The following DLG2 variants were observed in gnomAD, a reference collection of about 807,000 sequenced individuals.
The protein encoded by DLG2 is discs large MAGUK scaffold protein 2.
A neutral mutation model predicts 132.5 loss-of-function variants in DLG2; 45 were observed. The observed-to-expected ratio is 0.34, with a 90% CI of 0.27 to 0.44. The LOEUF is 0.44. Ranked by LOEUF, DLG2 falls within the 20% of genes least tolerant of loss-of-function variation. The probability of loss-of-function intolerance (pLI) is 1.00; values close to 1 mark genes in which losing one functional copy is unlikely to be tolerated. For synonymous variants in DLG2, 424 were observed against 419.6 expected (o/e 1.01, Z -0.13); for missense variants, 1,045 against 1,196.9 (o/e 0.87, Z 1.87).
intron 17 of DLG2, among the ~76,000 whole-genome samples, chr11:83,824,357 T>C (rs868768606): frequency 2.0e-5 from 3 of 152,126 alleles, no homozygotes; most frequent in African/African-American, 7.2e-5. Flanking sequence ...TATTTATTTG[T>C]CTGTCTCCCT....
intron 18 of DLG2, among the ~76,000 whole-genome samples, chr11:83,713,450 G>C (rs1178885426): frequency 1.3e-5 from 2 of 152,156 alleles, no homozygotes; most frequent in Non-Finnish European, 2.9e-5. Flanking sequence ...TTTTTCAGGA[G>C]AAGCCTAAAG....
intron 3 of DLG2, among the ~76,000 whole-genome samples, chr11:85,559,855 G>GATAA (rs2077141641): frequency 1.3e-5 from 2 of 150,964 alleles, no homozygotes; most frequent in East Asian, 3.9e-4. Flanking sequence ...TAGATAGATA[G>GATAA]ATAGAGATAA....
At chr11:84,415,500 T>C (rs1245390473) in intron 7 of DLG2, among the ~76,000 whole-genome samples, 1 of 152,192 alleles carries the variant, frequency 6.6e-6, no homozygotes, top group Admixed American at 6.5e-5. Context: ...CAGTAAAGCA[T>C]TTTTCTGAAG....
At chr11:85,157,102 T>C (rs2077642473) in intron 4 of DLG2, among the ~76,000 whole-genome samples, 1 of 152,174 alleles carries the variant, frequency 6.6e-6, no homozygotes, top group Admixed American at 6.5e-5. Context: ...AAGATTAGAC[T>C]GGCCTAGCCT....
chr11:84,200,184 A>G (rs1359314774), intron 8 of DLG2, among the ~76,000 whole-genome samples: 1 of 152,166 alleles, frequency 6.6e-6, no homozygotes, highest in Non-Finnish European at 1.5e-5. Context: ...ATTAGTATTC[A>G]ATATGAGTAA....
intron 6 of DLG2, among the ~76,000 whole-genome samples, chr11:84,951,505 G>T (rs2050909610): frequency 2.0e-5 from 3 of 151,772 alleles, no homozygotes. Flanking sequence ...TGTTTGATTT[G>T]TCATTCTTCT....
At chr11:83,921,277 T>C (rs2154121217) in intron 15 of DLG2, among the ~76,000 whole-genome samples, 1 of 152,268 alleles carries the variant, frequency 6.6e-6, no homozygotes, top group Non-Finnish European at 1.5e-5. Flanking sequence ...CTATTAGTAC[T>C]ATATGCCAGG....
intron 3 of DLG2, among the ~76,000 whole-genome samples, chr11:85,378,954 AT>A (rs1179404320): frequency 6.6e-6 from 1 of 152,190 alleles, no homozygotes; most frequent in Non-Finnish European, 1.5e-5. Flanking sequence ...CTAATTTTGC[AT>A]CCCCTTTACC....
chr11:85,604,998 T>A (rs1471814395), intron 2 of DLG2, among the ~76,000 whole-genome samples: 7 of 152,202 alleles, frequency 4.6e-5, no homozygotes, highest in African/African-American at 1.7e-4. Context: ...TACAGTGGTA[T>A]CATTAGGAAA....
intron 3 of DLG2, among the ~76,000 whole-genome samples, chr11:85,523,583 A>G (rs911121736): frequency 3.3e-5 from 5 of 152,194 alleles, no homozygotes; most frequent in African/African-American, 1.2e-4. Flanking sequence ...GCAATAACAA[A>G]TGCTGATGAG....
chr11:84,118,003 G>A (rs573702022), intron 9 of DLG2, among the ~76,000 whole-genome samples: 6 of 151,754 alleles, frequency 4.0e-5, no homozygotes, highest in African/African-American at 9.7e-5. Flanking sequence ...CTACAGGCAC[G>A]TGCCACCACC....
intron 4 of DLG2, among the ~76,000 whole-genome samples, chr11:85,191,199 C>CACACACACAG (rs879835737): frequency 4.6e-5 from 7 of 151,190 alleles, no homozygotes; most frequent in Non-Finnish European, 1.0e-4. Context: ...CACACACACA[C>CACACACACAG]ACACACGTTT....
At chr11:83,824,959 A>G (rs933083590) in intron 17 of DLG2, among the ~76,000 whole-genome samples, 4 of 151,894 alleles carry the variant, frequency 2.6e-5, no homozygotes, top group Non-Finnish European at 5.9e-5. Context: ...GACTTAAGGA[A>G]TATAACTGGA....
chr11:84,771,434 A>G (rs2069372480), intron 6 of DLG2, among the ~76,000 whole-genome samples: 1 of 152,150 alleles, frequency 6.6e-6, no homozygotes, highest in African/African-American at 2.4e-5. Flanking sequence ...GCGTCTGTTC[A>G]TATCTTTTGC....
intron 3 of DLG2, among the ~76,000 whole-genome samples, chr11:85,346,314 A>G (rs2082844870): frequency 6.6e-6 from 1 of 151,342 alleles, no homozygotes; most frequent in Admixed American, 6.6e-5. Flanking sequence ...CAGCCTCCCG[A>G]GTAGCTGGGA....
intron 21 of DLG2, among the ~76,000 whole-genome samples, chr11:83,527,029 G>T (rs1278511789): frequency 1.3e-5 from 2 of 152,144 alleles, no homozygotes; most frequent in African/African-American, 4.8e-5. Flanking sequence ...TCTAATAAAG[G>T]TTTATTAAAT....
intron 16 of DLG2, among the ~76,000 whole-genome samples, chr11:83,868,130 T>G (rs1189192082): frequency 6.6e-6 from 1 of 152,110 alleles, no homozygotes; most frequent in Admixed American, 6.6e-5. Context: ...CTCTGACAGA[T>G]TCCTAATGAA....
At chr11:84,393,269 A>C (rs756170600) in intron 7 of DLG2, among the ~76,000 whole-genome samples, 2 of 152,112 alleles carry the variant, frequency 1.3e-5, no homozygotes, top group Non-Finnish European at 2.9e-5. Flanking sequence ...ATTTATTTAT[A>C]TATAAACTTA....
At chr11:84,894,891 G>C (rs968180945) in intron 6 of DLG2, among the ~76,000 whole-genome samples, 3 of 135,282 alleles carry the variant, frequency 2.2e-5, no homozygotes, top group African/African-American at 8.1e-5. Flanking sequence ...GAGACCCCTT[G>C]CGGATTCTGA....
Sources: allele counts gnomAD v4.1 joint callset (sites outside exome capture counted in the v4.1 genomes callset), GRCh38; gene constraint gnomAD v4.1.1; transcripts MANE v1.5; gene names NCBI Gene and HGNC (gene_info 2026-07-23, HGNC 2026-07-21).